ADAM32: variants seen among roughly 807,000 people sequenced by gnomAD.
ADAM32 encodes disintegrin and metalloproteinase domain-containing protein 32.
Under a neutral mutation model 114.9 loss-of-function variants are expected in ADAM32, and 89 were observed. The ratio of observed to expected loss-of-function variants is 0.77; its 90% CI spans 0.65 to 0.92. The LOEUF is 0.92. Ranked by LOEUF, ADAM32 falls within the 40% of genes least tolerant of loss-of-function variation. ADAM32 has a pLI of 0.00. For synonymous variants in ADAM32, 285 were observed against 307.5 expected, an observed-to-expected ratio of 0.93 and a Z score of 0.77; for missense variants, 870 against 932.8, an observed-to-expected ratio of 0.93 and a Z score of 0.88.
chr8:39,221,657 A>T lies in ADAM32; in HGVS notation c.1281A>T (p.Lys427Asn), dbSNP rs1808970789. 1.2e-6 allele frequency: 2 copies of T among 1,612,370 alleles called. No individual in the cohort carries two copies. Among genetic ancestry groups the T allele is most frequent in the East Asian group, 2.2e-5 (1 of 44,770 alleles). ...SCCDFRTCVL[K>N]DGAKCYKGLC... The stretch of plus-strand genomic sequence containing the variant: ...GTGATTTTCGAACTTGTGTACTGAA[A>T]GACGGAGCAAAATGTTATAAAGGAC... Residue 427 changes from lysine to asparagine, a missense_variant, in exon 13 of 25, where the codon AAA (lysine) becomes AAT (asparagine). By Grantham distance (94) the Lys-to-Asn change is moderately conservative. Transcript: ENST00000379907.
intron 9 of ADAM32, chr8:39,167,324 G>C (rs954852716): frequency 2.0e-5 from 3 of 152,064 alleles, no homozygotes; most frequent in Non-Finnish European, 4.4e-5. Context: ...TTATGTTTTT[G>C]TTTGCTTTGC....
Position 39,250,796 on chromosome 8 carries a change from G to A in ADAM32, c.1903-3618G>A, listed in dbSNP as rs1811236563. Among the ~76,000 whole-genome samples the A allele has an allele frequency of 1.3e-5, 2 of 151,810 alleles. 1 individual carries two copies. The highest frequency in any genetic ancestry group is 4.1e-4 in the South Asian group (2 of 4,820). ...ACTTCTTCTTTCAAACTGGATATTT[G>A]TACCTATTAATCAACCTCTCTTCAT... On this transcript the variant is annotated intron_variant, in intron 17 of 24. Transcript: ENST00000379907.
At chr8:39,283,763 C>CTTT in intron 24 of ADAM32, 139 bp downstream of exon 24, 2 of 345,976 alleles carry the variant, frequency 5.8e-6, no homozygotes, top group Non-Finnish European at 9.9e-6. Context: ...ACCTATCTTT[C>CTTT]TTTTATTCTT....
chr8:39,185,936 G>C (rs1480906094), intron 10 of ADAM32, among the ~76,000 whole-genome samples: 1 of 143,630 alleles, frequency 7.0e-6, no homozygotes, highest in Non-Finnish European at 1.5e-5. Flanking sequence ...GGCTTCCTCT[G>C]CTGGCAAGGG....
intron 3 of ADAM32, among the ~76,000 whole-genome samples, chr8:39,141,106 G>A (rs911167866): frequency 2.0e-5 from 3 of 151,916 alleles, no homozygotes; most frequent in Non-Finnish European, 4.4e-5. Flanking sequence ...TCTTGCTAGT[G>A]GTCTATCAAT....
intron 16 of ADAM32, among the ~76,000 whole-genome samples, chr8:39,245,589 C>T (rs559603072): frequency 2.0e-5 from 3 of 152,172 alleles, no homozygotes; most frequent in African/African-American, 7.2e-5. Flanking sequence ...GAGGAAAGGC[C>T]ATGTGAGGAC....
intron 16 of ADAM32, among the ~76,000 whole-genome samples, chr8:39,234,617 A>G (rs905124749): frequency 2.6e-5 from 4 of 152,208 alleles, no homozygotes; most frequent in Admixed American, 6.5e-5. Context: ...TAATATTATA[A>G]GTGCTTAGCA....
At position 39,118,153 on chromosome 8, in the gene ADAM32, A is replaced by G; in HGVS notation, c.126A>G (p.Ser42=). 2 of 1,461,884 alleles carry G rather than the reference A, an allele frequency of 1.4e-6. No homozygotes were observed. The highest frequency in any genetic ancestry group is 1.4e-5 in the South Asian group (1 of 71,580). 90.6% of individuals were successfully genotyped at this position (1,461,884 alleles called of 1,614,324 possible). A position where few individuals can be genotyped will look rare whatever the true frequency, so the allele number is the denominator to read the frequency against. Residue 42 remains serine (S), a synonymous_variant, in exon 2 of 25, where the codon TCA becomes TCG. Transcript: ENST00000379907. ...TCCAAACAAATACAAATGACAGTTC[A>G]GAAATAGAATATGTAAGAGATATTT... ...EKIQTNTNDS[S]EIEYEQISYI...
At chr8:39,264,338 T>A (rs1812223977) in intron 19 of ADAM32, among the ~76,000 whole-genome samples, 1 of 152,168 alleles carries the variant, frequency 6.6e-6, no homozygotes, top group South Asian at 2.1e-4. Flanking sequence ...TTCTAGTTTG[T>A]GTGTATAGAG....
At chr8:39,275,650 T>A (rs1813027529) in intron 21 of ADAM32, among the ~76,000 whole-genome samples, 178 bp from the exon 22 acceptor site, 1 of 152,236 alleles carries the variant, frequency 6.6e-6, no homozygotes, top group Non-Finnish European at 1.5e-5. Flanking sequence ...TGTATATGAA[T>A]AAATAAAAAC....
chr8:39,244,782 A>G (rs1270024328), intron 16 of ADAM32, among the ~76,000 whole-genome samples: 1 of 152,188 alleles, frequency 6.6e-6, no homozygotes, highest in African/African-American at 2.4e-5. Flanking sequence ...GCACACCAAC[A>G]TGGCACATGT....
At chr8:39,187,114 G>A (rs1806291553) in intron 11 of ADAM32, 69 bp downstream of exon 11, 1 of 1,428,296 alleles carries the variant, frequency 7.0e-7, no homozygotes, top group Non-Finnish European at 9.4e-7. Flanking sequence ...TGAAAATTTA[G>A]TATTTACTTA....
chr8:39,115,490 A>G (rs1048408145), intron 1 of ADAM32, among the ~76,000 whole-genome samples: 3 of 151,740 alleles, frequency 2.0e-5, no homozygotes, highest in African/African-American at 7.3e-5. Context: ...TGTTGTTTTG[A>G]CTTTCATTTT....
At chr8:39,283,919 G>A (rs567698276) in intron 24 of ADAM32, among the ~76,000 whole-genome samples, 12 of 152,108 alleles carry the variant, frequency 7.9e-5, no homozygotes, top group African/African-American at 2.4e-4. Flanking sequence ...GATTACAGGC[G>A]TGTGCCGCCA....
At chr8:39,127,738 C>G (rs1172074295) in intron 2 of ADAM32, among the ~76,000 whole-genome samples, 1 of 152,114 alleles carries the variant, frequency 6.6e-6, no homozygotes. Flanking sequence ...TTTGTTTGCT[C>G]TTAGTTCTCT....
chr8:39,260,834 AT>A lies in ADAM32; in HGVS notation c.2162+3493del, dbSNP rs541965731. On this transcript the variant is annotated intron_variant, in intron 19 of 24. Coordinates refer to ENST00000379907, the MANE Select transcript of ADAM32 (RefSeq NM_145004.7). The stretch of plus-strand genomic sequence containing the variant: ...TCTGAGAAGGATTAGTATTAATTCT[AT>A]TATAAAAGTTTGGTAGAATTTACCA... 7.2e-5 allele frequency among the ~76,000 whole-genome samples: 11 copies of A among 152,204 alleles called. No homozygotes were observed. In the South Asian group the frequency reaches 2.3e-3, roughly 32 times the overall value.
intron 11 of ADAM32, among the ~76,000 whole-genome samples, chr8:39,202,848 T>C (rs1030547420): frequency 6.6e-6 from 1 of 152,214 alleles, no homozygotes; most frequent in Non-Finnish European, 1.5e-5. Flanking sequence ...TTTTTGTTGG[T>C]TTCAAAGAAC....
At chr8:39,204,026 T>C (rs1807633842) in intron 11 of ADAM32, among the ~76,000 whole-genome samples, 1 of 152,242 alleles carries the variant, frequency 6.6e-6, no homozygotes, top group South Asian at 2.1e-4. Context: ...GGCTTCCCTT[T>C]GTGGGTAACC....
intron 11 of ADAM32, among the ~76,000 whole-genome samples, chr8:39,209,902 A>G (rs1395697604): frequency 6.6e-6 from 1 of 152,164 alleles, no homozygotes; most frequent in Non-Finnish European, 1.5e-5. Flanking sequence ...TTTCATGGCC[A>G]CTGCAACTGG....
Sources: allele counts gnomAD v4.1 joint callset (sites outside exome capture counted in the v4.1 genomes callset), GRCh38; gene constraint gnomAD v4.1.1; transcripts MANE v1.5; gene names NCBI Gene and HGNC (gene_info 2026-07-23, HGNC 2026-07-21).